PTPRD: variants seen among roughly 807,000 people sequenced by gnomAD.
PTPRD encodes the protein protein tyrosine phosphatase receptor type D.
In PTPRD, 34 loss-of-function variants were observed where a neutral mutation model predicts 214.5. The ratio of observed to expected loss-of-function variants is 0.16; its 90% CI spans 0.12 to 0.21. PTPRD has a LOEUF of 0.21. PTPRD is among the 10% of genes least tolerant of loss of function. PTPRD has a pLI of 1.00. For missense variants in PTPRD, 2,545 were observed against 2,398.7 expected (o/e 1.06, Z -1.27); for synonymous variants, 1,128 against 845.7 (o/e 1.33, Z -5.79).
chr9:8,908,055 G>C (rs2098720876), intron 11 of PTPRD, among the ~76,000 whole-genome samples: 1 of 152,018 alleles, frequency 6.6e-6, no homozygotes, highest in South Asian at 2.1e-4. Context: ...AGCAGGAAGA[G>C]AAAAATGACT....
intron 11 of PTPRD, among the ~76,000 whole-genome samples, chr9:8,899,386 C>T (rs2098647157): frequency 6.6e-6 from 1 of 152,130 alleles, no homozygotes; most frequent in Admixed American, 6.6e-5. Flanking sequence ...CAAGCAGTTG[C>T]ACAATTCAAG....
At chr9:10,605,168 T>C (rs1567174309) in intron 2 of PTPRD, among the ~76,000 whole-genome samples, 2 of 151,874 alleles carry the variant, frequency 1.3e-5, no homozygotes, top group African/African-American at 2.4e-5. Context: ...AGTCCTCTTA[T>C]AAGAATATCT....
chr9:8,886,546 G>C (rs1304546683), intron 11 of PTPRD, among the ~76,000 whole-genome samples: 1 of 152,054 alleles, frequency 6.6e-6, no homozygotes, highest in Non-Finnish European at 1.5e-5. Context: ...AGGAAGAATG[G>C]GGACATTTAC....
chr9:10,343,337 A>G (rs1597570921), intron 2 of PTPRD, among the ~76,000 whole-genome samples: 1 of 152,048 alleles, frequency 6.6e-6, no homozygotes. Context: ...ATTATATTCC[A>G]TGGTGTATAT....
intron 39 of PTPRD, among the ~76,000 whole-genome samples, chr9:8,370,165 A>C (rs10758967): frequency 6.6e-6 from 1 of 151,634 alleles, no homozygotes; most frequent in Non-Finnish European, 1.5e-5. Flanking sequence ...TAAGATAAAA[A>C]CAATACTATA....
chr9:8,641,439 T>C (rs1455673881), intron 12 of PTPRD, among the ~76,000 whole-genome samples: 1 of 148,676 alleles, frequency 6.7e-6, no homozygotes, highest in South Asian at 2.1e-4. Context: ...AAGCTGCCAA[T>C]GCTGTACTTT....
intron 14 of PTPRD, among the ~76,000 whole-genome samples, chr9:8,607,510 A>G (rs1003712513): frequency 6.6e-6 from 1 of 152,038 alleles, no homozygotes; most frequent in Non-Finnish European, 1.5e-5. Context: ...GATCGTGGTG[A>G]CACGCGCCTG....
chr9:8,546,526 T>C (rs1032728273), intron 14 of PTPRD, among the ~76,000 whole-genome samples: 1 of 151,638 alleles, frequency 6.6e-6, no homozygotes, highest in African/African-American at 2.4e-5. Context: ...TGAGACAGAG[T>C]CTCACTCTGT....
intron 14 of PTPRD, among the ~76,000 whole-genome samples, chr9:8,612,310 C>T (rs1033411467): frequency 2.0e-5 from 3 of 152,088 alleles, no homozygotes; most frequent in Non-Finnish European, 4.4e-5. Context: ...GTATGTTTGG[C>T]CATATCAATT....
At chr9:9,244,600 C>A (rs146851506) in intron 9 of PTPRD, among the ~76,000 whole-genome samples, 1,773 of 152,306 alleles carry the variant, frequency 0.012, 32 homozygotes, top group African/African-American at 0.041. Context: ...AAAGCTGAAA[C>A]TGGAACCCTT....
chr9:9,194,127 G>C (rs997151534), intron 9 of PTPRD, among the ~76,000 whole-genome samples: 1 of 152,014 alleles, frequency 6.6e-6, no homozygotes, highest in African/African-American at 2.4e-5. Context: ...CACAGGGTCA[G>C]GATCATCAGT....
chr9:8,801,669 T>C (rs1054261543), intron 11 of PTPRD, among the ~76,000 whole-genome samples: 2 of 152,198 alleles, frequency 1.3e-5, no homozygotes, highest in African/African-American at 2.4e-5. Context: ...TGGGCAGAGA[T>C]GGCCTCACTG....
chr9:9,284,839 G>T (rs978026421), intron 9 of PTPRD, among the ~76,000 whole-genome samples: 2 of 151,668 alleles, frequency 1.3e-5, no homozygotes, highest in Admixed American at 6.6e-5. Context: ...TACCAAATGT[G>T]GACAATAATG....
chr9:10,372,701 G>T (rs992257531), intron 2 of PTPRD, among the ~76,000 whole-genome samples: 1 of 151,878 alleles, frequency 6.6e-6, no homozygotes, highest in Non-Finnish European at 1.5e-5. Flanking sequence ...TAACTTGTAA[G>T]TTCAGTCGCT....
chr9:8,719,789 T>G (rs1458536114), intron 12 of PTPRD, among the ~76,000 whole-genome samples: 1 of 152,066 alleles, frequency 6.6e-6, no homozygotes, highest in African/African-American at 2.4e-5. Flanking sequence ...ATAAGGCTTT[T>G]AAAATGTTAG....
At chr9:8,964,279 A>T (rs1419874340) in intron 11 of PTPRD, among the ~76,000 whole-genome samples, 1 of 139,076 alleles carries the variant, frequency 7.2e-6, no homozygotes, top group Non-Finnish European at 1.5e-5. Flanking sequence ...TCCTAATTCA[A>T]TCTTGGGAGA....
chr9:9,746,561 T>C (rs10977945), intron 6 of PTPRD, among the ~76,000 whole-genome samples: 6,567 of 152,264 alleles, frequency 0.043, 735 homozygotes, highest in East Asian at 0.4. Context: ...CACGTAAATA[T>C]TGTGAGTCGA....
At chr9:9,701,395 G>A (rs1009583353) in intron 7 of PTPRD, among the ~76,000 whole-genome samples, 1 of 152,174 alleles carries the variant, frequency 6.6e-6, no homozygotes, top group Non-Finnish European at 1.5e-5. Flanking sequence ...AGAGAAACTG[G>A]AGACAGGGGT....
intron 39 of PTPRD, among the ~76,000 whole-genome samples, chr9:8,368,394 C>T (rs1280803267): frequency 6.6e-6 from 1 of 152,070 alleles, no homozygotes; most frequent in Non-Finnish European, 1.5e-5. Flanking sequence ...GAGTTGGTTG[C>T]TATTCTTAGG....
Sources: allele counts gnomAD v4.1 joint callset (sites outside exome capture counted in the v4.1 genomes callset), GRCh38; gene constraint gnomAD v4.1.1; transcripts MANE v1.5; gene names NCBI Gene and HGNC (gene_info 2026-07-23, HGNC 2026-07-21).